The following MYO1B variants were observed in gnomAD, a reference collection of about 807,000 sequenced individuals.
MYO1B encodes unconventional myosin-Ib.
Under a neutral mutation model 159.7 loss-of-function variants are expected in MYO1B, and 72 were observed. The ratio of observed to expected loss-of-function variants is 0.45; its 90% confidence interval spans 0.37 to 0.55. MYO1B has a LOEUF of 0.55. MYO1B is among the 20% of genes least tolerant of loss of function. The pLI is 0.00. For missense variants in MYO1B, 1,062 were observed against 1,364.8 expected (o/e 0.78, Z 3.50); for synonymous variants, 468 against 473.8 (o/e 0.99, Z 0.16).
chr2:191,373,791 C>G (rs1277821575), intron 13 of MYO1B, among the ~76,000 whole-genome samples: 2 of 152,150 alleles, frequency 1.3e-5, no homozygotes, highest in Admixed American at 6.5e-5. Context: ...TAATGGCCAT[C>G]AAATTATAAA....
chr2:191,343,296 A>G (rs115605138), intron 5 of MYO1B, among the ~76,000 whole-genome samples: 172 of 152,300 alleles, frequency 1.1e-3, no homozygotes, highest in African/African-American at 4.0e-3. Context: ...GTTTTTTCCC[A>G]GTATGAAGGG....
At chr2:191,409,830 C>T (rs1034590402) in intron 26 of MYO1B, among the ~76,000 whole-genome samples, 1 of 152,068 alleles carries the variant, frequency 6.6e-6, no homozygotes, top group African/African-American at 2.4e-5. Flanking sequence ...GACCTTACTT[C>T]GATAACCTAG....
chr2:191,301,520 A>G (rs751074333), intron 3 of MYO1B, among the ~76,000 whole-genome samples: 2 of 152,242 alleles, frequency 1.3e-5, no homozygotes, highest in African/African-American at 2.4e-5. Context: ...GTCATGCAAC[A>G]TAGAATTGAT....
At chr2:191,375,236 A>G (rs1694622673) in intron 13 of MYO1B, among the ~76,000 whole-genome samples, 1 of 152,314 alleles carries the variant, frequency 6.6e-6, no homozygotes, top group African/African-American at 2.4e-5. Context: ...ATTTCAAATA[A>G]AAAAATCTAA....
chr2:191,250,457 C>G (rs936748072), intron 1 of MYO1B, among the ~76,000 whole-genome samples: 3 of 152,194 alleles, frequency 2.0e-5, no homozygotes, highest in Non-Finnish European at 4.4e-5. Flanking sequence ...ACTCTCTTCT[C>G]TACACACCTG....
intron 7 of MYO1B, among the ~76,000 whole-genome samples, chr2:191,357,040 G>A (rs1211546007): frequency 2.0e-5 from 3 of 152,126 alleles, no homozygotes; most frequent in Non-Finnish European, 2.9e-5. Context: ...CCTTAATCAA[G>A]AATTTGGACC....
At chr2:191,365,918 A>G (rs1470469483) in intron 11 of MYO1B, among the ~76,000 whole-genome samples, 1 of 152,174 alleles carries the variant, frequency 6.6e-6, no homozygotes, top group Non-Finnish European at 1.5e-5. Flanking sequence ...ACGTGCATCA[A>G]AATCACCTGG....
At chr2:191,418,814 A>G (rs528315600) in intron 30 of MYO1B, among the ~76,000 whole-genome samples, 2 of 152,290 alleles carry the variant, frequency 1.3e-5, no homozygotes, top group East Asian at 1.9e-4. Context: ...AAACTTGTAC[A>G]TATAGAAGTG....
intron 3 of MYO1B, among the ~76,000 whole-genome samples, chr2:191,303,668 G>A (rs921541790): frequency 4.0e-5 from 6 of 151,338 alleles, no homozygotes; most frequent in East Asian, 1.9e-4. Context: ...GGTTAGAAGG[G>A]AAAAAGGGAA....
chr2:191,319,971 C>T (rs929775517), intron 3 of MYO1B, among the ~76,000 whole-genome samples: 1 of 151,986 alleles, frequency 6.6e-6, no homozygotes, highest in Non-Finnish European at 1.5e-5. Flanking sequence ...ATATAGAAAT[C>T]CCCATTAAGA....
chr2:191,390,588 T>G (rs1324839081), intron 18 of MYO1B, 96 bp downstream of exon 18: 1 of 1,351,138 alleles, frequency 7.4e-7, no homozygotes, highest in Non-Finnish European at 9.9e-7. Flanking sequence ...CAGAATTTTA[T>G]GAAAAACTGG....
At chr2:191,356,356 T>C (rs1693285431) in intron 7 of MYO1B, among the ~76,000 whole-genome samples, 1 of 149,078 alleles carries the variant, frequency 6.7e-6, no homozygotes, top group South Asian at 2.2e-4. Context: ...TTTTTTTTTT[T>C]TGAGTTTTGA....
chr2:191,363,912 A>C, intron 10 of MYO1B, 37 bp downstream of exon 10: 1 of 1,612,078 alleles, frequency 6.2e-7, no homozygotes, highest in Non-Finnish European at 8.5e-7. Context: ...TTGTTTAGGA[A>C]ACTTGCTTTG....
chr2:191,246,188 G>C lies in MYO1B; in HGVS notation c.-10+562G>C, dbSNP rs1475803167. The stretch of plus-strand genomic sequence containing the variant: ...CCTTTGTTCCGCCGCAGCGGAGGGG[G>C]TTGCCCTGGGTCTCGTTTCCTGCCC... On this transcript the variant is annotated intron_variant, in intron 1 of 30. Transcript: ENST00000392318. 3 of 152,234 alleles carry C rather than the reference G, an allele frequency of 2.0e-5. No homozygotes were observed. In the East Asian group the frequency reaches 5.8e-4, roughly 30 times the overall value. The allele number at this position is 152,234 out of a possible 1,614,324, so 9.4% of individuals were successfully genotyped here.
At chr2:191,286,788 C>A (rs1323506521) in intron 2 of MYO1B, among the ~76,000 whole-genome samples, 1 of 151,960 alleles carries the variant, frequency 6.6e-6, no homozygotes, top group African/African-American at 2.4e-5. Context: ...CAAAACTTAG[C>A]CAGGATTGGT....
At chr2:191,259,044 T>C (rs1323756143) in intron 1 of MYO1B, among the ~76,000 whole-genome samples, 5 of 152,200 alleles carry the variant, frequency 3.3e-5, no homozygotes, top group Admixed American at 6.5e-5. Context: ...CATAGTCGAC[T>C]TCACCTACTC....
At chr2:191,382,010 G>T (rs559664413) in intron 14 of MYO1B, among the ~76,000 whole-genome samples, 1 of 152,244 alleles carries the variant, frequency 6.6e-6, no homozygotes, top group Non-Finnish European at 1.5e-5. Context: ...ATTATATTAA[G>T]TGCTATGTAT....
intron 2 of MYO1B, among the ~76,000 whole-genome samples, chr2:191,285,276 A>G (rs1324118761): frequency 1.3e-5 from 2 of 152,182 alleles, no homozygotes; most frequent in African/African-American, 2.4e-5. Flanking sequence ...GCCTGAGGTG[A>G]TATTTTTAGC....
rs959170650 is a variant in MYO1B, at chr2:191,245,551, C to G, written c.-85C>G. ...GAGCCCCGCAGCCCCGGGCTGGGCC[C>G]GCGTCCCGGAGCGCCACCGGAGAGC... On this transcript the variant is annotated 5_prime_UTR_variant, in exon 1 of 31. Transcript: ENST00000392318. 2.0e-5 allele frequency: 3 copies of G among 152,136 alleles called. No homozygotes were observed. The highest frequency in any genetic ancestry group is 6.5e-5 in the Admixed American group (1 of 15,272). 9.4% of individuals were successfully genotyped at this position (152,136 alleles called of 1,614,324 possible). A position where few individuals can be genotyped will look rare whatever the true frequency, so the allele number is the denominator to read the frequency against.
Sources: allele counts gnomAD v4.1 joint callset (sites outside exome capture counted in the v4.1 genomes callset), GRCh38; gene constraint gnomAD v4.1.1; transcripts MANE v1.5; gene names NCBI Gene and HGNC (gene_info 2026-07-23, HGNC 2026-07-21).